The following NEGR1 variants were observed in gnomAD, a reference collection of about 807,000 sequenced individuals.
NEGR1 encodes neuronal growth regulator 1, also known as IgLON family member 4.
In NEGR1, 10 loss-of-function variants were observed where a neutral mutation model predicts 40.9. The observed-to-expected ratio is 0.24, with a 90% confidence interval of 0.15 to 0.42. NEGR1 has a LOEUF of 0.42. NEGR1 is among the 10% of genes least tolerant of loss of function. The pLI, the probability that NEGR1 is intolerant of heterozygous loss-of-function variation, is 1.00. For missense variants in NEGR1, 352 were observed against 438.9 expected, an observed-to-expected ratio of 0.80 and a Z score of 1.77; for synonymous variants, 185 against 166.8, an observed-to-expected ratio of 1.11 and a Z score of -0.84.
rs1245078590 is a variant in NEGR1, at chr1:71,908,650, A to C, written c.409+26429T>G. 2.0e-5 allele frequency among the ~76,000 whole-genome samples: 3 copies of C among 152,214 alleles called. No individual in the cohort carries two copies. The South Asian group carries it at 6.2e-4, about 31-fold the overall frequency. On this transcript the variant is annotated intron_variant, in intron 2 of 6. Transcript: ENST00000357731. ...TCTGTTACTTGCTCTATGAGTTACC[A>C]AAGTCATTAACTTCTGGTGGATCTT...
chr1:71,681,989 GC>G (rs1412105759), intron 4 of NEGR1, among the ~76,000 whole-genome samples: 1 of 152,006 alleles, frequency 6.6e-6, no homozygotes, highest in African/African-American at 2.4e-5. Flanking sequence ...ACCACGACTG[GC>G]TAACTTTTGT....
chr1:72,253,952 A>G (rs1251113869), intron 1 of NEGR1, among the ~76,000 whole-genome samples: 1 of 152,218 alleles, frequency 6.6e-6, no homozygotes, highest in Admixed American at 6.5e-5. Flanking sequence ...CCACCAACTT[A>G]CAGGTAATAA....
intron 2 of NEGR1, among the ~76,000 whole-genome samples, chr1:71,933,411 C>T (rs553424366): frequency 1.7e-4 from 26 of 152,088 alleles, no homozygotes; most frequent in African/African-American, 6.0e-4. Flanking sequence ...TTTAAACCTA[C>T]AAGTTTAAAA....
chr1:71,784,041 T>C (rs1656818724), intron 2 of NEGR1, among the ~76,000 whole-genome samples: 2 of 152,130 alleles, frequency 1.3e-5, no homozygotes, highest in Non-Finnish European at 2.9e-5. Flanking sequence ...AACTCTTCCT[T>C]ATGGAGGCAG....
Position 71,603,755 on chromosome 1 carries a change from T to A in NEGR1, c.788+7271A>T, listed in dbSNP as rs532399766. On this transcript the variant is annotated intron_variant, in intron 5 of 6. Coordinates refer to ENST00000357731, the MANE Select transcript of NEGR1 (RefSeq NM_173808.3). ...AATAACAGAAGGTCCATTTGTATTG[T>A]ATTCTTATCTCATTTTTAAAATTTT... 6.6e-5 allele frequency among the ~76,000 whole-genome samples: 10 copies of A among 152,316 alleles called. No homozygotes were observed. In the East Asian group the frequency reaches 1.9e-3, roughly 29 times the overall value.
intron 3 of NEGR1, among the ~76,000 whole-genome samples, chr1:71,772,174 G>C (rs1463531228): frequency 6.6e-6 from 1 of 151,990 alleles, no homozygotes; most frequent in Non-Finnish European, 1.5e-5. Flanking sequence ...GAGAAAATAT[G>C]AGACAACCCA....
intron 1 of NEGR1, among the ~76,000 whole-genome samples, chr1:72,248,448 G>A (rs2100526052): frequency 6.6e-6 from 1 of 151,856 alleles, no homozygotes; most frequent in Non-Finnish European, 1.5e-5. Flanking sequence ...AAGATAGATG[G>A]GGTTTCGCCA....
chr1:71,654,148 T>A (rs1651802363), intron 4 of NEGR1, among the ~76,000 whole-genome samples: 2 of 152,100 alleles, frequency 1.3e-5, no homozygotes, highest in Admixed American at 1.3e-4. Flanking sequence ...TGGAAAAGGA[T>A]AAACTATGGA....
chr1:71,745,758 G>A (rs780025020), intron 3 of NEGR1, among the ~76,000 whole-genome samples: 2 of 152,124 alleles, frequency 1.3e-5, no homozygotes, highest in Non-Finnish European at 2.9e-5. Flanking sequence ...CCTCTAGCCT[G>A]GGCGACAGAG....
intron 1 of NEGR1, among the ~76,000 whole-genome samples, chr1:71,943,277 A>ATACACATGTATCATACACATATT (rs1287922761): frequency 1.3e-5 from 2 of 150,258 alleles, no homozygotes; most frequent in Admixed American, 6.7e-5. Context: ...ATACACATAT[A>ATACACATGTATCATACACATATT]TACACATGTA....
At chr1:71,664,928 A>AT (rs1652190772) in intron 4 of NEGR1, among the ~76,000 whole-genome samples, 1 of 152,184 alleles carries the variant, frequency 6.6e-6, no homozygotes, top group African/African-American at 2.4e-5. Flanking sequence ...AGGTATAAAC[A>AT]TACATTTTCT....
At chr1:71,514,159 C>A (rs2101421069) in intron 6 of NEGR1, among the ~76,000 whole-genome samples, 1 of 146,430 alleles carries the variant, frequency 6.8e-6, no homozygotes, top group East Asian at 2.0e-4. Flanking sequence ...GGGCGCCCGC[C>A]ATTGCCCAGG....
At chr1:72,197,392 A>C (rs1280675200) in intron 1 of NEGR1, among the ~76,000 whole-genome samples, 2 of 152,030 alleles carry the variant, frequency 1.3e-5, no homozygotes, top group African/African-American at 4.8e-5. Context: ...TTTAGACTTC[A>C]ATATATTATA....
chr1:71,787,949 C>A (rs193156562), intron 2 of NEGR1, among the ~76,000 whole-genome samples: 16 of 152,224 alleles, frequency 1.1e-4, no homozygotes, highest in Admixed American at 6.5e-4. Flanking sequence ...GGTTTCTCAC[C>A]TGTCAAAAAC....
chr1:71,690,795 G>A (rs1422494211), intron 4 of NEGR1, among the ~76,000 whole-genome samples: 3 of 151,818 alleles, frequency 2.0e-5, no homozygotes, highest in African/African-American at 7.3e-5. Context: ...CTAGCTCATA[G>A]TCAAACTCTA....
intron 6 of NEGR1, among the ~76,000 whole-genome samples, chr1:71,558,621 G>A (rs1459899363): frequency 1.3e-5 from 2 of 150,694 alleles, no homozygotes; most frequent in African/African-American, 4.9e-5. Flanking sequence ...ACCTTAAATT[G>A]TTCCAGTTTT....
At chr1:71,845,716 G>GATCTATCT (rs66993306) in intron 2 of NEGR1, among the ~76,000 whole-genome samples, 1 of 150,484 alleles carries the variant, frequency 6.6e-6, no homozygotes, top group African/African-American at 2.5e-5. Context: ...AATAGAGCCA[G>GATCTATCT]ATCTATCTAT....
intron 2 of NEGR1, among the ~76,000 whole-genome samples, chr1:71,875,381 G>A (rs1660396139): frequency 6.6e-6 from 1 of 152,090 alleles, no homozygotes; most frequent in Non-Finnish European, 1.5e-5. Flanking sequence ...TATAACTTGG[G>A]TACAGAATGA....
At chr1:71,829,948 C>A (rs886568088) in intron 2 of NEGR1, among the ~76,000 whole-genome samples, 2 of 151,950 alleles carry the variant, frequency 1.3e-5, no homozygotes, top group Admixed American at 1.3e-4. Context: ...TTTCTTTACT[C>A]ACTGGGAATT....
Sources: allele counts gnomAD v4.1 joint callset (sites outside exome capture counted in the v4.1 genomes callset), GRCh38; gene constraint gnomAD v4.1.1; transcripts MANE v1.5; gene names NCBI Gene and HGNC (gene_info 2026-07-23, HGNC 2026-07-21).